The following TRAPPC9 variants were observed in gnomAD, a reference collection of about 807,000 sequenced individuals.
TRAPPC9 encodes trafficking protein particle complex subunit 9, also known as IKK2 binding protein.
TRAPPC9 carries 83 observed loss-of-function variants against 124.0 expected under a neutral mutation model. The ratio of observed to expected loss-of-function variants is 0.67; its 90% confidence interval spans 0.56 to 0.80. The LOEUF (loss-of-function observed/expected upper bound fraction) is 0.80. Among genes scored for constraint, TRAPPC9 ranks in the 30% least tolerant of loss-of-function variants. The pLI is 0.00. For missense variants in TRAPPC9, 1,302 were observed against 1,508.3 expected (o/e 0.86, Z 2.27); for synonymous variants, 638 against 617.5 (o/e 1.03, Z -0.49).
chr8:140,452,472 A>C (rs999725827), intron 1 of TRAPPC9, among the ~76,000 whole-genome samples: 5 of 151,964 alleles, frequency 3.3e-5, no homozygotes, highest in Non-Finnish European at 5.9e-5. Context: ...GCCTTATAAA[A>C]CTGTATCTAG....
In TRAPPC9 at chr8:139,827,978, C is replaced by G. The variant is rs543281977; in HGVS notation, c.3055+57901G>C. Among the ~76,000 whole-genome samples the G allele has an allele frequency of 1.8e-4, 27 of 152,306 alleles. No homozygotes were observed. In the East Asian group the frequency reaches 2.1e-3, roughly 12 times the overall value. On this transcript the variant is annotated intron_variant, in intron 21 of 22. Transcript: ENST00000438773. ...TTCCAACAACCAAATCTTACGTGAACTCACTCATCACTGAGGGAAAGGTGC... is the reference window on the plus strand; with the variant it reads ...TTCCAACAACCAAATCTTACGTGAAGTCACTCATCACTGAGGGAAAGGTGC...
At chr8:140,105,376 A>T (rs1405670469) in intron 17 of TRAPPC9, among the ~76,000 whole-genome samples, 3 of 152,212 alleles carry the variant, frequency 2.0e-5, no homozygotes, top group Non-Finnish European at 2.9e-5. Flanking sequence ...CTGGTTATCC[A>T]GTTTGATTCC....
chr8:139,995,501 T>C (rs1481710285), intron 18 of TRAPPC9, among the ~76,000 whole-genome samples: 1 of 152,092 alleles, frequency 6.6e-6, no homozygotes, highest in Non-Finnish European at 1.5e-5. Context: ...GGGGGCCAGT[T>C]TGCATCACTC....
intron 15 of TRAPPC9, among the ~76,000 whole-genome samples, chr8:140,272,014 G>T (rs370974868): frequency 2.2e-4 from 13 of 59,474 alleles, no homozygotes; most frequent in Admixed American, 1.7e-3. Flanking sequence ...TGGTGGTGAC[G>T]GGTGATGGTG....
At chr8:139,898,716 G>A (rs1830822419) in intron 20 of TRAPPC9, among the ~76,000 whole-genome samples, 1 of 152,138 alleles carries the variant, frequency 6.6e-6, no homozygotes, top group Non-Finnish European at 1.5e-5. Context: ...GGGAAACTGA[G>A]GTTTACAAAA....
At chr8:140,115,435 T>A (rs982402806) in intron 17 of TRAPPC9, among the ~76,000 whole-genome samples, 17 of 151,812 alleles carry the variant, frequency 1.1e-4, no homozygotes, top group African/African-American at 4.1e-4. Flanking sequence ...CCTGGCGAAT[T>A]TTTTTGTATT....
At chr8:140,086,060 TG>T (rs1187380830) in intron 17 of TRAPPC9, among the ~76,000 whole-genome samples, 3 of 152,146 alleles carry the variant, frequency 2.0e-5, no homozygotes, top group Non-Finnish European at 4.4e-5. Flanking sequence ...TTTCCCCACC[TG>T]AAGCAGAAGG....
chr8:140,311,868 G>A lies in TRAPPC9; in HGVS notation c.1496-494C>T, dbSNP rs188894138. On this transcript the variant is annotated intron_variant, in intron 9 of 22. Coordinates refer to ENST00000438773, the MANE Select transcript of TRAPPC9 (RefSeq NM_001160372.4). The stretch of plus-strand genomic sequence containing the variant: ...TAGAGCTTTGTGAGAAAAGACTGTT[G>A]TTCACCATCCTGCCCCCATCCCTTT... Among the ~76,000 whole-genome samples the A allele has an allele frequency of 9.8e-5, 14 of 143,410 alleles. No individual in the cohort carries two copies. The East Asian group carries it at 3.3e-3, about 34-fold the overall frequency. 94.1% of individuals were successfully genotyped at this position (143,410 alleles called of 152,430 possible).
intron 17 of TRAPPC9, among the ~76,000 whole-genome samples, chr8:140,055,919 A>G (rs1406462709): frequency 6.6e-6 from 1 of 152,162 alleles, no homozygotes; most frequent in Non-Finnish European, 1.5e-5. Flanking sequence ...TAAAATAGCT[A>G]TACTACTCAA....
At chr8:140,445,795 G>A (rs1005306730) in intron 2 of TRAPPC9, among the ~76,000 whole-genome samples, 1 of 152,244 alleles carries the variant, frequency 6.6e-6, no homozygotes, top group Non-Finnish European at 1.5e-5. Context: ...ACTTGGACCA[G>A]AGCACTGAGG....
intron 19 of TRAPPC9, 78 bp from the exon 20 acceptor site, chr8:139,910,378 C>T: frequency 7.3e-7 from 1 of 1,375,470 alleles, no homozygotes; most frequent in Non-Finnish European, 1.0e-6. Context: ...TCAGCACATG[C>T]CAGCGTGAGA....
intron 4 of TRAPPC9, 95 bp from the exon 5 acceptor site, chr8:140,426,736 G>T (rs1213099819): frequency 8.1e-7 from 1 of 1,238,958 alleles, no homozygotes; most frequent in Admixed American, 1.8e-5. Flanking sequence ...ACATAGCCTA[G>T]AGAAAAATCT....
chr8:139,881,333 A>G (rs1175983731), intron 21 of TRAPPC9: 1 of 152,228 alleles, frequency 6.6e-6, no homozygotes, highest in Admixed American at 6.5e-5. Flanking sequence ...TTAGATCCAG[A>G]TGTATTTTCT....
chr8:139,751,558 G>C (rs1819308455), intron 21 of TRAPPC9, among the ~76,000 whole-genome samples: 1 of 152,072 alleles, frequency 6.6e-6, no homozygotes, highest in Non-Finnish European at 1.5e-5. Context: ...GAGGTTCTTA[G>C]TTAGGGTGAC....
At chr8:139,749,686 A>G (rs1041284879) in intron 21 of TRAPPC9, among the ~76,000 whole-genome samples, 1 of 152,166 alleles carries the variant, frequency 6.6e-6, no homozygotes, top group Admixed American at 6.5e-5. Flanking sequence ...ATAGAACTAT[A>G]AAGTCTTAGA....
intron 21 of TRAPPC9, among the ~76,000 whole-genome samples, chr8:139,871,829 G>A (rs531861724): frequency 9.8e-4 from 150 of 152,288 alleles, no homozygotes; most frequent in Non-Finnish European, 1.3e-3. Flanking sequence ...ACTGATGAGC[G>A]GATAGGTGGG....
intron 21 of TRAPPC9, among the ~76,000 whole-genome samples, chr8:139,787,753 C>A (rs1236182950): frequency 1.3e-5 from 2 of 152,180 alleles, no homozygotes; most frequent in African/African-American, 2.4e-5. Context: ...CCAATGAGCA[C>A]CTGGGTGTGT....
At chr8:140,056,375 A>C (rs1458413723) in intron 17 of TRAPPC9, among the ~76,000 whole-genome samples, 1 of 152,062 alleles carries the variant, frequency 6.6e-6, no homozygotes. Context: ...CCACCACTGC[A>C]GTCTAGCCTA....
At chr8:140,155,210 C>G (rs1369129440) in intron 17 of TRAPPC9, among the ~76,000 whole-genome samples, 1 of 152,176 alleles carries the variant, frequency 6.6e-6, no homozygotes, top group Admixed American at 6.5e-5. Context: ...TCCACCGGGG[C>G]CATTTGACTC....
Sources: allele counts gnomAD v4.1 joint callset (sites outside exome capture counted in the v4.1 genomes callset), GRCh38; gene constraint gnomAD v4.1.1; transcripts MANE v1.5; gene names NCBI Gene and HGNC (gene_info 2026-07-23, HGNC 2026-07-21).